The following PUDP variants were observed in gnomAD, a reference collection of about 807,000 sequenced individuals.
The protein encoded by PUDP is pseudouridine-5'-phosphatase.
In PUDP, 8 loss-of-function variants were observed where a neutral mutation model predicts 9.4. The ratio of observed to expected loss-of-function variants is 0.85; its 90% CI spans 0.50 to 1.53. The LOEUF (loss-of-function observed/expected upper bound fraction) is 1.53, where lower values mean the gene tolerates loss of function less well. PUDP is among the 40% of genes most tolerant of loss of function. PUDP has a pLI of 0.00. For missense variants in PUDP, 188 were observed against 189.7 expected (o/e 0.99, Z 0.05); for synonymous variants, 99 against 80.7 (o/e 1.23, Z -1.22).
At chrX:6,986,327 G>A (rs941936540) in intron 1 of PUDP, among the ~76,000 whole-genome samples, 6 of 111,364 alleles carry the variant, frequency 5.4e-5, no homozygotes, top group Non-Finnish European at 3.8e-5. Flanking sequence ...GTCTGGATCC[G>A]GACCCCTTTC....
rs1366080849 is a variant in PUDP at position 6,942,290 on chromosome X, A to AATT, written c.*247+34840_*247+34842dup. On this transcript the variant is annotated intron_variant and NMD_transcript_variant, in intron 3 of 3. Transcript: ENST00000655425. The stretch of plus-strand genomic sequence containing the variant: ...TATATTGTCCAATGTTGTAATACTG[A>AATT]ATTATTCTAATACTGAATTATATAT... Among the ~76,000 whole-genome samples, 3 of 112,255 alleles carry AATT rather than the reference A, an allele frequency of 2.7e-5. No individual in the cohort carries two copies. The Admixed American group carries it at 2.8e-4, about 11-fold the overall frequency.
intron 3 of PUDP, among the ~76,000 whole-genome samples, chrX:6,965,716 C>T (rs1488736348): frequency 8.9e-6 from 1 of 112,207 alleles, no homozygotes; most frequent in African/African-American, 3.2e-5. Flanking sequence ...AAACCCAATC[C>T]TCTCTTCATT....
chrX:7,013,148 A>G (rs923475936), intron 1 of PUDP, among the ~76,000 whole-genome samples: 2 of 112,337 alleles, frequency 1.8e-5, no homozygotes, highest in African/African-American at 6.5e-5. Context: ...ACAGGAAGTT[A>G]AAAATAATAC....
intron 2 of PUDP, among the ~76,000 whole-genome samples, chrX:7,084,442 C>T (rs1423898036): frequency 8.9e-6 from 1 of 112,012 alleles, no homozygotes; most frequent in Non-Finnish European, 1.9e-5. Flanking sequence ...ATGTGTGCAG[C>T]ATGGAATAGA....
chrX:6,789,289 CTAAATAAA>C (rs63378260), intron 3 of PUDP, among the ~76,000 whole-genome samples: 16,235 of 95,071 alleles, frequency 0.17, 1,393 homozygotes, highest in African/African-American at 0.3. Context: ...GACTCTGTCT[CTAAATAAA>C]TAAATAAATA....
intron 3 of PUDP, among the ~76,000 whole-genome samples, chrX:6,847,793 C>T (rs1307776129): frequency 1.8e-5 from 2 of 112,074 alleles, no homozygotes; most frequent in Non-Finnish European, 3.8e-5. Context: ...GAATCAGAAG[C>T]ATTTCTGATC....
intron 3 of PUDP, among the ~76,000 whole-genome samples, chrX:6,795,706 G>A (rs896054869): frequency 2.1e-4 from 23 of 111,658 alleles, no homozygotes; most frequent in Admixed American, 1.3e-3. Flanking sequence ...TGCTTGAAAA[G>A]GATGTGCACA....
chrX:6,908,923 G>A (rs1051011953), intron 3 of PUDP, among the ~76,000 whole-genome samples: 1 of 111,559 alleles, frequency 9.0e-6, no homozygotes, highest in African/African-American at 3.3e-5. Context: ...GCCGATAGCT[G>A]TAAGAACACC....
intron 3 of PUDP, among the ~76,000 whole-genome samples, chrX:6,738,839 A>T (rs1203252122): frequency 8.9e-6 from 1 of 112,187 alleles, no homozygotes; most frequent in East Asian, 2.8e-4. Flanking sequence ...AGGGAATTTG[A>T]TTACTGCATT....
At chrX:6,710,074 G>T (rs1217563447) in intron 1 of PUDP, among the ~76,000 whole-genome samples, 6 of 112,144 alleles carry the variant, frequency 5.4e-5, no homozygotes, top group African/African-American at 1.9e-4. Context: ...AGTGAGCCGA[G>T]ATAGTGCCAC....
intron 1 of PUDP, among the ~76,000 whole-genome samples, chrX:7,043,208 T>G (rs1163308115): frequency 9.0e-6 from 1 of 111,635 alleles, no homozygotes; most frequent in African/African-American, 3.3e-5. Flanking sequence ...ACGTTGAAAT[T>G]TGATCCCCAA....
At position 6,812,891 on chromosome X, in the gene PUDP, C is replaced by T. The variant is rs185800008; in HGVS notation, c.*248-106425G>A. 7.2e-5 allele frequency among the ~76,000 whole-genome samples: 8 copies of T among 111,715 alleles called. No individual in the cohort carries two copies. The East Asian group carries it at 2.3e-3, about 32-fold the overall frequency. On this transcript the variant is annotated intron_variant and NMD_transcript_variant, in intron 3 of 3. Transcript: ENST00000655425. ...TGAGGATCACTTGAGCTCAGGAATT[C>T]GAGACCTGCCTGGGCAACATAGCAA...
At chrX:6,888,771 G>A (rs764091253) in intron 3 of PUDP, among the ~76,000 whole-genome samples, 2 of 112,145 alleles carry the variant, frequency 1.8e-5, no homozygotes, top group Non-Finnish European at 3.8e-5. Flanking sequence ...CCAGAGAGAC[G>A]CCAGTGACTG....
intron 1 of PUDP, among the ~76,000 whole-genome samples, chrX:6,711,268 A>G (rs902532356): frequency 2.7e-5 from 3 of 111,417 alleles, no homozygotes; most frequent in Admixed American, 9.5e-5. Flanking sequence ...TAGAAATAGC[A>G]TCGGAGGAAA....
chrX:6,902,967 G>C (rs1478621972), intron 3 of PUDP, among the ~76,000 whole-genome samples: 1 of 111,557 alleles, frequency 9.0e-6, no homozygotes, highest in Non-Finnish European at 1.9e-5. Flanking sequence ...CGGTTACAAT[G>C]TCAGTAATAG....
intron 3 of PUDP, among the ~76,000 whole-genome samples, chrX:6,968,239 TACTC>T (rs1371680385): frequency 8.9e-6 from 1 of 112,232 alleles, no homozygotes; most frequent in Non-Finnish European, 1.9e-5. Flanking sequence ...CACAGGCACA[TACTC>T]ACCACCATCC....
intron 1 of PUDP, among the ~76,000 whole-genome samples, chrX:7,146,878 TTCC>T (rs1317908511): frequency 3.9e-5 from 4 of 102,500 alleles, no homozygotes; most frequent in Admixed American, 1.1e-4. Context: ...ATGCAAATAC[TTCC>T]TCCTAACTTG....
intron 3 of PUDP, among the ~76,000 whole-genome samples, chrX:6,740,288 T>C (rs1294085239): frequency 8.9e-6 from 1 of 112,054 alleles, no homozygotes; most frequent in African/African-American, 3.3e-5. Flanking sequence ...AAAGGATAAC[T>C]TGGTAATTAG....
At chrX:6,745,045 T>C (rs57318835) in intron 3 of PUDP, among the ~76,000 whole-genome samples, 5,494 of 111,783 alleles carry the variant, frequency 0.049, 127 homozygotes, top group African/African-American at 0.074. Context: ...TTTTATATCC[T>C]TTTCTCTGCT....
Sources: allele counts gnomAD v4.1 joint callset (sites outside exome capture counted in the v4.1 genomes callset), GRCh38; gene constraint gnomAD v4.1.1; transcripts MANE v1.5; gene names NCBI Gene and HGNC (gene_info 2026-07-23, HGNC 2026-07-21).